C19orf47: variants seen among roughly 807,000 people sequenced by gnomAD.
C19orf47 encodes uncharacterized protein C19orf47.
A neutral mutation model predicts 32.3 loss-of-function variants in C19orf47; 18 were observed. That is an observed-to-expected ratio of 0.56 (90% CI 0.39 to 0.83). The LOEUF is 0.83. Among genes scored for constraint, C19orf47 ranks in the 40% least tolerant of loss-of-function variants. The pLI, the probability that C19orf47 is intolerant of heterozygous loss-of-function variation, is 0.00. For missense variants in C19orf47, 484 were observed against 531.6 expected (o/e 0.91, Z 0.88); for synonymous variants, 202 against 211.1 (o/e 0.96, Z 0.37).
the C19orf47 span, among the ~76,000 whole-genome samples, chr19:40,303,159 C>T: frequency 6.6e-6 from 1 of 151,304 alleles, no homozygotes; most frequent in Admixed American, 6.6e-5. Context: ...ACCTGGGAGG[C>T]GGAGGCTGCA....
chr19:40,306,979 C>T, the C19orf47 span, among the ~76,000 whole-genome samples: 1 of 149,978 alleles, frequency 6.7e-6, no homozygotes, highest in Non-Finnish European at 1.5e-5. Flanking sequence ...TTAGTAGAGA[C>T]GGGGTTTCAC....
chr19:40,306,151 C>CAAAAAAAAAAAAAAAAAAA, the C19orf47 span, among the ~76,000 whole-genome samples: 1 of 53,874 alleles, frequency 1.9e-5, no homozygotes, highest in African/African-American at 7.1e-5. Context: ...AACTCTGTCT[C>CAAAAAAAAAAAAAAAAAAA]AAAAAAAAAA....
At chr19:40,299,296 TTAAA>T in the C19orf47 span, among the ~76,000 whole-genome samples, 49 of 152,266 alleles carry the variant, frequency 3.2e-4, no homozygotes, top group Non-Finnish European at 6.0e-4. Flanking sequence ...TAAATGCTCA[TTAAA>T]TACTTAAATC....
chr19:40,326,282 A>C, intron 7 of C19orf47, 52 bp downstream of exon 7: 1 of 1,605,258 alleles, frequency 6.2e-7, no homozygotes, highest in South Asian at 1.1e-5. Context: ...TGTGTGATGC[A>C]GAGGGAGGGA....
In C19orf47 at chr19:40,348,302, C is replaced by A. The variant is rs1049550069; in HGVS notation, c.-34+22G>T. 16 of 1,329,930 alleles carry A rather than the reference C, an allele frequency of 1.2e-5. No individual in the cohort carries two copies. In the Admixed American group the frequency reaches 4.6e-4, roughly 38 times the overall value. The allele number at this position is 1,329,930 out of a possible 1,614,324, so 82.4% of individuals were successfully genotyped here. On this transcript the variant is annotated intron_variant, in intron 1 of 8. Transcript: ENST00000683109. ...CCCTACCGCAACCGGCCCAGTCCCACCACCCCCGGCCCGCGCCTCACCTGG... is the reference window on the plus strand; with the variant it reads ...CCCTACCGCAACCGGCCCAGTCCCAACACCCCCGGCCCGCGCCTCACCTGG...
Position 40,321,109 on chromosome 19 carries a change from A to T in C19orf47, c.*773T>A. The T allele has an allele frequency of 8.0e-6, 3 of 376,056 alleles. No homozygotes were observed. The highest frequency in any genetic ancestry group is 1.1e-5 in the Non-Finnish European group (3 of 271,306). The allele number at this position is 376,056 out of a possible 1,614,324, so 23.3% of individuals were successfully genotyped here. On this transcript the variant is annotated 3_prime_UTR_variant, in exon 9 of 9. Coordinates refer to ENST00000683109, the MANE Select transcript of C19orf47 (RefSeq NM_001256441.2). The stretch of plus-strand genomic sequence containing the variant: ...TTAAAACAGCAGCTGTCTTCACTCT[A>T]GGCACTGGCCTCCCTTCCCAGTGCC...
intron 1 of C19orf47, among the ~76,000 whole-genome samples, chr19:40,344,472 C>CT (rs1369758603): frequency 1.9e-4 from 29 of 152,098 alleles, no homozygotes; most frequent in Admixed American, 1.8e-3. Context: ...GAGCAAGACT[C>CT]TGTCTCAAAA....
At chr19:40,318,160 G>A (rs530327902), downstream of C19orf47, among the ~76,000 whole-genome samples, 7 of 152,254 alleles carry the variant, frequency 4.6e-5, no homozygotes, top group South Asian at 6.2e-4. Context: ...GGTGAGAGAG[G>A]ATCACTTGAT....
At chr19:40,338,384 CAT>C (rs749417515) in intron 2 of C19orf47, among the ~76,000 whole-genome samples, 5 of 148,636 alleles carry the variant, frequency 3.4e-5, no homozygotes, top group Admixed American at 6.8e-5. Context: ...TATATATACA[CAT>C]ATATATATAT....
At chr19:40,310,441 G>C in the C19orf47 span, among the ~76,000 whole-genome samples, 2 of 152,142 alleles carry the variant, frequency 1.3e-5, no homozygotes, top group Non-Finnish European at 1.5e-5. Context: ...ACCACACCCC[G>C]CTAATTTTTG....
rs1464451126 is a variant in C19orf47, at chr19:40,336,182, C to T, written c.150G>A (p.Met50Ile). 8.7e-6 allele frequency: 14 copies of T among 1,614,238 alleles called. No homozygotes were observed. Among genetic ancestry groups the T allele is most frequent in the Non-Finnish European group, 9.3e-6 (11 of 1,180,042 alleles). ...CCACCACGGTCACGCCCAGCTCATTCATTATCTCCTTATTGAGATCCAGCA... is the reference window on the plus strand; with the variant it reads ...CCACCACGGTCACGCCCAGCTCATTTATTATCTCCTTATTGAGATCCAGCA... ...SMLLDLNKEI[M>I]NELGVTVVGD... The change falls in exon 4 of 9, where the codon ATG (methionine) becomes ATA (isoleucine). Residue 50 changes from methionine (M) to isoleucine (I), a missense_variant. This residue lies in a region of C19orf47 where 57 missense variants were observed against 86.9 expected (regional missense o/e 0.66). Coordinates refer to ENST00000683109, the MANE Select transcript of C19orf47 (RefSeq NM_001256441.2).
At chr19:40,329,985 T>C (rs556666425) in intron 5 of C19orf47, among the ~76,000 whole-genome samples, 2 of 152,318 alleles carry the variant, frequency 1.3e-5, no homozygotes, top group South Asian at 4.1e-4. Context: ...CAAGCCCCAT[T>C]TGGGTGGCGG....
intron 5 of C19orf47, chr19:40,332,632 G>C (rs998606654): frequency 2.0e-5 from 3 of 150,884 alleles, no homozygotes; most frequent in African/African-American, 7.3e-5. Flanking sequence ...GGGCAACAGA[G>C]GGAGACTCCA....
At chr19:40,296,030 A>G in the C19orf47 span, among the ~76,000 whole-genome samples, 4 of 151,932 alleles carry the variant, frequency 2.6e-5, no homozygotes, top group African/African-American at 9.7e-5. Context: ...ACAGGCATGA[A>G]CCAACATGCC....
intron 6 of C19orf47, among the ~76,000 whole-genome samples, chr19:40,327,007 C>CTTTTTTTTT (rs763036518): frequency 8.1e-6 from 1 of 122,802 alleles, no homozygotes; most frequent in African/African-American, 3.1e-5. Flanking sequence ...CTGATTTTAA[C>CTTTTTTTTT]TTTTTTTTTT....
Position 40,324,009 on chromosome 19 carries a change from A to ACTC in C19orf47, c.657_659dup (p.Gly219_Ser220insArg). Reference sequence around the variant, plus strand: ...TCGCTCCCCCATCCCCACTCACTTTACTCCCTGTCGTGGTGTCTGCCTTGG... The same window carrying ACTC: ...TCGCTCCCCCATCCCCACTCACTTTACTCCTCCCTGTCGTGGTGTCTGCCTTGG... On this transcript the variant is annotated inframe_insertion, in exon 8 of 9. Transcript: ENST00000683109. The ACTC allele has an allele frequency of 1.2e-6, 2 of 1,613,924 alleles. No individual in the cohort carries two copies. Among genetic ancestry groups the ACTC allele is most frequent in the South Asian group, 2.2e-5 (2 of 91,062 alleles).
At chr19:40,333,980 A>G in intron 4 of C19orf47, 51 bp from the exon 5 acceptor site, 1 of 1,417,708 alleles carries the variant, frequency 7.1e-7, no homozygotes, top group Non-Finnish European at 9.6e-7. Flanking sequence ...TCATGCATCA[A>G]CCTAGAGATC....
chr19:40,326,388 T>C lies in C19orf47; in HGVS notation c.538A>G (p.Lys180Glu). ...MEGKYVINMP[K>E]GTTPRTRKIL... is the part of the protein sequence containing the mutation. Reference sequence around the variant, plus strand: ...TTGCGGGTGCGGGGTGTGGTGCCTTTGGGCATGTTGATGACGTACTTCCCC... The same window carrying C: ...TTGCGGGTGCGGGGTGTGGTGCCTTCGGGCATGTTGATGACGTACTTCCCC... The change falls in exon 7 of 9, where the codon AAA (lysine) becomes GAA (glutamate). Residue 180 changes from lysine to glutamate, a missense_variant. By Grantham distance (56) the Lys-to-Glu change is moderately conservative. Coordinates refer to ENST00000683109, the MANE Select transcript of C19orf47 (RefSeq NM_001256441.2). 1 of 1,614,188 alleles carries C rather than the reference T, an allele frequency of 6.2e-7. No individual in the cohort carries two copies. The highest frequency in any genetic ancestry group is 8.5e-7 in the Non-Finnish European group (1 of 1,180,040).
chr19:40,316,217 G>C (rs527697698), downstream of C19orf47, among the ~76,000 whole-genome samples: 18 of 152,334 alleles, frequency 1.2e-4, no homozygotes, highest in East Asian at 2.7e-3. Flanking sequence ...CTGGAGAAAG[G>C]GGGGCTGAGG....
Sources: allele counts gnomAD v4.1 joint callset (sites outside exome capture counted in the v4.1 genomes callset), GRCh38; gene constraint gnomAD v4.1.1; regional missense constraint gnomAD v4.1.1; transcripts MANE v1.5; gene names NCBI Gene and HGNC (gene_info 2026-07-23, HGNC 2026-07-21).